TEAD4: variants seen among roughly 807,000 people sequenced by gnomAD.
TEAD4 encodes the protein transcriptional enhancer factor TEF-3.
A neutral mutation model predicts 52.4 loss-of-function variants in TEAD4; 36 were observed. The ratio of observed to expected loss-of-function variants is 0.69; its 90% CI spans 0.53 to 0.91. The LOEUF (loss-of-function observed/expected upper bound fraction) is 0.91. TEAD4 is among the 40% of genes least tolerant of loss of function. TEAD4 has a pLI of 0.00. For synonymous variants in TEAD4, 220 were observed against 231.0 expected, an observed-to-expected ratio of 0.95 and a Z score of 0.43; for missense variants, 508 against 583.9, an observed-to-expected ratio of 0.87 and a Z score of 1.34.
At chr12:3,036,375 A>C (rs7137485) in intron 10 of TEAD4, among the ~76,000 whole-genome samples, 143,333 of 152,136 alleles carry the variant, frequency 0.94, 67,975 homozygotes, top group East Asian at 1. Flanking sequence ...ATCAACACCC[A>C]CCGCCAGTCT....
intron 3 of TEAD4, among the ~76,000 whole-genome samples, chr12:2,999,698 C>T (rs777689793): frequency 7.9e-5 from 12 of 151,996 alleles, no homozygotes; most frequent in East Asian, 1.9e-4. Context: ...GCACAGCCAA[C>T]GCTGGCCACC....
In TEAD4 at chr12:3,038,014, G is replaced by A; in HGVS notation, c.944G>A (p.Gly315Glu). ...GAGGATGAAGGCAGCTCCTTCTATG[G>A]GGTCTCCAGCCAGTATGAGAGCCCC... The change falls in exon 11 of 13, where the codon GGG becomes GAG. Residue 315 changes from glycine (G) to glutamate (E), a missense_variant. Gly to Glu is a moderately conservative substitution (Grantham distance 98). Transcript: ENST00000359864. The A allele has an allele frequency of 6.2e-7, 1 of 1,614,106 alleles. No individual in the cohort carries two copies. The highest frequency in any genetic ancestry group is 8.5e-7 in the Non-Finnish European group (1 of 1,179,964).
intron 10 of TEAD4, among the ~76,000 whole-genome samples, chr12:3,029,559 A>T (rs1301807783): frequency 6.6e-6 from 1 of 151,512 alleles, no homozygotes; most frequent in Non-Finnish European, 1.5e-5. Flanking sequence ...TTTTATTTAA[A>T]TTTTTTATAG....
In TEAD4 at chr12:2,994,371, C is replaced by T. The variant is rs754921737; in HGVS notation, c.-29-367C>T. ...GATTACAGGCGTGAGCCACAGCGCC[C>T]GGCCTGTACCATTTTGCATTCCCAC... On this transcript the variant is annotated intron_variant, in intron 2 of 12. Transcript: ENST00000359864. The surrounding 1 kb of genome is among the most constrained non-coding windows in gnomAD (Gnocchi z 4.7). Among the ~76,000 whole-genome samples, 6 of 152,156 alleles carry T rather than the reference C, an allele frequency of 3.9e-5. No homozygotes were observed. Among genetic ancestry groups the T allele is most frequent in the East Asian group, 1.9e-4 (1 of 5,184 alleles).
intron 7 of TEAD4, 31 bp from the exon 8 acceptor site, chr12:3,019,084 G>A: frequency 1.2e-6 from 2 of 1,613,612 alleles, no homozygotes; most frequent in Non-Finnish European, 1.7e-6. Context: ...CCTGCCCGAG[G>A]CTGACACCTC....
chr12:2,992,069 A>G (rs1177981635), intron 2 of TEAD4, among the ~76,000 whole-genome samples: 1 of 129,932 alleles, frequency 7.7e-6, no homozygotes, highest in Non-Finnish European at 1.6e-5. Flanking sequence ...CCCAGGCTGG[A>G]ATGTAGTGGC....
chr12:2,978,742 C>T (rs974252314), intron 2 of TEAD4, among the ~76,000 whole-genome samples: 2 of 152,088 alleles, frequency 1.3e-5, no homozygotes, highest in African/African-American at 4.8e-5. Flanking sequence ...CCCATTCCCC[C>T]ATCCCCAACC....
chr12:3,040,449 C>T lies in TEAD4; in HGVS notation c.1276C>T (p.His426Tyr), dbSNP rs751923397. Residue 426 changes from histidine to tyrosine, a missense_variant, in exon 13 of 13, where the codon CAC becomes TAC. Transcript: ENST00000359864. ...GTCAGCCAGTGAGCACGGGGCTCAG[C>T]ACCACATCTACAGGCTGGTGAAAGA... 4 of 1,613,950 alleles carry T rather than the reference C, an allele frequency of 2.5e-6. No homozygotes were observed. The East Asian group carries it at 8.9e-5, about 36-fold the overall frequency.
intron 5 of TEAD4, among the ~76,000 whole-genome samples, chr12:3,012,632 T>C (rs1390670860): frequency 6.6e-6 from 1 of 152,190 alleles, no homozygotes; most frequent in Non-Finnish European, 1.5e-5. Flanking sequence ...TTTATGGTAC[T>C]GTGGGAGCTG....
At chr12:3,007,045 A>G (rs1591581091) in intron 3 of TEAD4, among the ~76,000 whole-genome samples, 1 of 152,016 alleles carries the variant, frequency 6.6e-6, no homozygotes, top group Non-Finnish European at 1.5e-5. Flanking sequence ...AAAAAAGAAG[A>G]CGGCTGAGCT....
At chr12:3,039,245 T>G (rs1591604465) in intron 11 of TEAD4, among the ~76,000 whole-genome samples, 1 of 152,350 alleles carries the variant, frequency 6.6e-6, no homozygotes, top group East Asian at 1.9e-4. Context: ...TAGTGGTTTT[T>G]AAAAAGTTCC....
At position 2,964,159 on chromosome 12, in the gene TEAD4, G is replaced by T. The variant is rs568846165; in HGVS notation, c.-30+4119G>T. ...AGTGTGAAGCTAGAGCTCCGTGCCG[G>T]TTCTGTGCTGAGCTTTCGGCTCTTA... is the stretch of plus-strand genomic sequence containing the variant. On this transcript the variant is annotated intron_variant, in intron 2 of 12. Coordinates refer to ENST00000359864, the MANE Select transcript of TEAD4 (RefSeq NM_003213.4). 3.9e-5 allele frequency among the ~76,000 whole-genome samples: 6 copies of T among 152,302 alleles called. No individual in the cohort carries two copies. The South Asian group carries it at 1.2e-3, about 32-fold the overall frequency.
At chr12:2,991,206 TAAAAAATAATAAA>T (rs2098242706) in intron 2 of TEAD4, among the ~76,000 whole-genome samples, 1 of 151,878 alleles carries the variant, frequency 6.6e-6, no homozygotes, top group Non-Finnish European at 1.5e-5. Flanking sequence ...CTCTAAAAAA[TAAAAAATAATAAA>T]AATTTAAAGT....
intron 10 of TEAD4, among the ~76,000 whole-genome samples, chr12:3,024,046 C>G (rs2098270491): frequency 6.6e-6 from 1 of 151,808 alleles, no homozygotes; most frequent in Non-Finnish European, 1.5e-5. Flanking sequence ...TAATAATATC[C>G]AATAAGTTAT....
chr12:2,996,906 C>G (rs2098247696), intron 3 of TEAD4, among the ~76,000 whole-genome samples: 1 of 152,186 alleles, frequency 6.6e-6, no homozygotes, highest in African/African-American at 2.4e-5. Flanking sequence ...AGCCACCATG[C>G]CCGGCCTTGC....
chr12:3,003,694 G>T (rs2098253525), intron 3 of TEAD4, among the ~76,000 whole-genome samples: 1 of 152,164 alleles, frequency 6.6e-6, no homozygotes, highest in Non-Finnish European at 1.5e-5. Flanking sequence ...CATGTGCTCT[G>T]ACAGATGGAC....
In TEAD4 at chr12:3,035,836, AAAG is replaced by A. The variant is rs1306894246; in HGVS notation, c.898-2117_898-2115del. Among the ~76,000 whole-genome samples the A allele has an allele frequency of 2.4e-3, 352 of 146,126 alleles. 93 individuals carry two copies. Among genetic ancestry groups the A allele is most frequent in the Middle Eastern group, 0.019 (5 of 270 alleles). On this transcript the variant is annotated intron_variant, in intron 10 of 12. Transcript: ENST00000359864. ...TTCTGTCTTTAACAAAAAAAAAAAA[AAAG>A]AAGAAGAAGAAGAAAACAGGAGCCC...
chr12:2,990,443 T>C, intron 2 of TEAD4, among the ~76,000 whole-genome samples: 2 of 147,638 alleles, frequency 1.4e-5, no homozygotes, highest in Middle Eastern at 7.2e-3. Context: ...ATCTAGAATT[T>C]AGGCTAAGAC....
rs148440897 is a variant in TEAD4 at position 3,022,304 on chromosome 12, G to T, written c.897+287G>T. Among the ~76,000 whole-genome samples the T allele has an allele frequency of 8.4e-3, 1,281 of 152,164 alleles. 10 individuals carry two copies. Among genetic ancestry groups the T allele is most frequent in the South Asian group, 0.024 (118 of 4,828 alleles). ...AGCCCTCAGGAGGTGAGGAGGTGTA[G>T]TTCCAGAAAAAGACAAACGGGACCC... On this transcript the variant is annotated intron_variant, in intron 10 of 12. Coordinates refer to ENST00000359864, the MANE Select transcript of TEAD4 (RefSeq NM_003213.4).
Sources: allele counts gnomAD v4.1 joint callset (sites outside exome capture counted in the v4.1 genomes callset), GRCh38; gene constraint gnomAD v4.1.1; non-coding constraint Gnocchi (gnomAD v3.1); transcripts MANE v1.5; gene names NCBI Gene and HGNC (gene_info 2026-07-23, HGNC 2026-07-21).